The following FREM2 variants were observed in gnomAD, a reference collection of about 807,000 sequenced individuals.
The protein encoded by FREM2 is FRAS1 related extracellular matrix 2, also known as FRAS1-related extracellular matrix protein 2.
In FREM2, 119 loss-of-function variants were observed where a neutral mutation model predicts 219.9. That is an observed-to-expected ratio of 0.54 (90% CI 0.47 to 0.63). FREM2 has a LOEUF of 0.63. Ranked by LOEUF, FREM2 falls within the 30% of genes least tolerant of loss-of-function variation. FREM2 has a pLI of 0.00. For synonymous variants in FREM2, 1,562 were observed against 1,522.8 expected, an observed-to-expected ratio of 1.03 and a Z score of -0.60; for missense variants, 4,030 against 3,993.6, an observed-to-expected ratio of 1.01 and a Z score of -0.25.
At chr13:38,771,746 T>G (rs1873673330) in intron 4 of FREM2, among the ~76,000 whole-genome samples, 1 of 152,218 alleles carries the variant, frequency 6.6e-6, no homozygotes, top group Non-Finnish European at 1.5e-5. Flanking sequence ...CCATAATGCT[T>G]GGTATGCTCT....
intron 2 of FREM2, among the ~76,000 whole-genome samples, chr13:38,763,676 G>A (rs577193116): frequency 6.6e-6 from 1 of 151,982 alleles, no homozygotes; most frequent in South Asian, 2.1e-4. Context: ...TTTATTTTCT[G>A]CTGATAGGCA....
At chr13:38,855,280 G>A (rs1877512915) in intron 11 of FREM2, among the ~76,000 whole-genome samples, 1 of 151,992 alleles carries the variant, frequency 6.6e-6, no homozygotes, top group Admixed American at 6.6e-5. Flanking sequence ...ACACAAAGAA[G>A]TCTTCTTGAA....
chr13:38,753,743 A>G (rs1373904900), intron 2 of FREM2, among the ~76,000 whole-genome samples: 2 of 152,202 alleles, frequency 1.3e-5, no homozygotes, highest in Non-Finnish European at 2.9e-5. Flanking sequence ...CTGTAGGTGT[A>G]CACCTGAATT....
chr13:38,850,919 T>G (rs759712679), intron 9 of FREM2, 25 bp from the exon 10 acceptor site: 1 of 1,608,376 alleles, frequency 6.2e-7, no homozygotes, highest in South Asian at 1.1e-5. Context: ...GGGATGTGAT[T>G]GACCTGCTGA....
Position 38,864,355 on chromosome 13 carries a change from C to T in FREM2, c.7732C>T (p.His2578Tyr), listed in dbSNP as rs765774163. The change falls in exon 16 of 24, where the codon CAC (histidine) becomes TAC (tyrosine). Residue 2578 changes from histidine (H) to tyrosine (Y), a missense_variant. Around this residue, in one of 2 missense-constraint regions of FREM2, gnomAD observed 928 missense variants for 1,042.9 expected, o/e 0.89. Transcript: ENST00000280481. ...CCCTGATGGCACAAGAGTTGGAAAC[C>T]ACAAGTGCTCCAACCTCCTGGATTA... ...LSPDGTRVGN[H>Y]KCSNLLDYTE... 5.6e-6 allele frequency: 9 copies of T among 1,614,008 alleles called. No individual in the cohort carries two copies. Among genetic ancestry groups the T allele is most frequent in the African/African-American group, 1.3e-5 (1 of 74,902 alleles).
In FREM2 at chr13:38,886,818, TTATC is replaced by T. The variant is rs1469583433; in HGVS notation, c.*6034_*6037del. On this transcript the variant is annotated 3_prime_UTR_variant, in exon 24 of 24. Transcript: ENST00000280481. ...TCCATAACACTAAGTAAATTTATAT[TTATC>T]TAGCCTCTGAGTGACATATCTGTGT... The T allele has an allele frequency of 1.3e-5, 2 of 152,222 alleles. No homozygotes were observed. Among genetic ancestry groups the T allele is most frequent in the African/African-American group, 2.4e-5 (1 of 41,450 alleles). The allele number at this position is 152,222 out of a possible 1,614,324, so 9.4% of individuals were successfully genotyped here.
At chr13:38,724,650 A>G (rs1411917762) in intron 2 of FREM2, among the ~76,000 whole-genome samples, 2 of 152,364 alleles carry the variant, frequency 1.3e-5, no homozygotes, top group African/African-American at 2.4e-5. Flanking sequence ...ATTTGAAGCC[A>G]TGGAGGCTGA....
intron 2 of FREM2, among the ~76,000 whole-genome samples, chr13:38,730,120 CA>C (rs1335949517): frequency 6.6e-6 from 1 of 152,094 alleles, no homozygotes; most frequent in African/African-American, 2.4e-5. Flanking sequence ...GTTAAATAAA[CA>C]AAAATTTGAT....
chr13:38,769,941 T>A, intron 4 of FREM2, 133 bp downstream of exon 4: 1 of 732,676 alleles, frequency 1.4e-6, no homozygotes, highest in Non-Finnish European at 2.4e-6. Flanking sequence ...AGATTAATGA[T>A]TCATTATTCT....
intron 4 of FREM2, among the ~76,000 whole-genome samples, chr13:38,771,714 C>A (rs928597355): frequency 2.0e-5 from 3 of 152,002 alleles, no homozygotes; most frequent in East Asian, 1.9e-4. Context: ...TCATGAAAAT[C>A]CTTGGATAAC....
intron 6 of FREM2, among the ~76,000 whole-genome samples, chr13:38,841,189 A>C (rs1285076728): frequency 6.6e-6 from 1 of 152,242 alleles, no homozygotes; most frequent in Non-Finnish European, 1.5e-5. Flanking sequence ...TACTGAATTT[A>C]AAACAACTAC....
intron 2 of FREM2, among the ~76,000 whole-genome samples, chr13:38,740,782 G>A (rs1872211589): frequency 6.6e-6 from 1 of 152,158 alleles, no homozygotes. Context: ...AAGGTTGTAG[G>A]AAACTTTTAT....
In FREM2 at chr13:38,859,357, C is replaced by T; in HGVS notation, c.7286C>T (p.Thr2429Ile). ...SICASENIND[T>I]LTRYRWLISA... ...TGTGCAAGTGAGAACATCAATGACA[C>T]TTTGACGCGGTACCGGTGGCTGATT... is the stretch of plus-strand genomic sequence containing the variant. The change falls in exon 14 of 24, where the codon ACT (threonine) becomes ATT (isoleucine). Residue 2429 changes from threonine (T) to isoleucine (I), a missense_variant. Around this residue, in one of 2 missense-constraint regions of FREM2, gnomAD observed 928 missense variants for 1,042.9 expected, o/e 0.89. Transcript: ENST00000280481. 1.2e-6 allele frequency: 2 copies of T among 1,614,200 alleles called. No individual in the cohort carries two copies. Among genetic ancestry groups the T allele is most frequent in the South Asian group, 1.1e-5 (1 of 91,082 alleles).
chr13:38,816,782 A>C (rs1158384206), intron 6 of FREM2, among the ~76,000 whole-genome samples: 1 of 152,144 alleles, frequency 6.6e-6, no homozygotes, highest in Non-Finnish European at 1.5e-5. Context: ...GAGGAAGCTA[A>C]GTGCCCTGTT....
chr13:38,830,245 CAA>C (rs1876455429), intron 6 of FREM2, among the ~76,000 whole-genome samples: 1 of 152,040 alleles, frequency 6.6e-6, no homozygotes, highest in African/African-American at 2.4e-5. Context: ...AATGACAACA[CAA>C]ATATCCTTCA....
intron 2 of FREM2, among the ~76,000 whole-genome samples, chr13:38,704,147 A>G (rs2496432): frequency 0.019 from 2,900 of 152,300 alleles, 107 homozygotes; most frequent in African/African-American, 0.068. Flanking sequence ...CAGAGTTTCT[A>G]TGGTGAATCT....
intron 6 of FREM2, among the ~76,000 whole-genome samples, chr13:38,787,610 A>G (rs893207605): frequency 1.3e-5 from 2 of 152,068 alleles, no homozygotes; most frequent in Non-Finnish European, 2.9e-5. Context: ...AAAAAGAAAA[A>G]AATAAGTAAG....
At chr13:38,793,287 A>G (rs902234196) in intron 6 of FREM2, among the ~76,000 whole-genome samples, 4 of 152,196 alleles carry the variant, frequency 2.6e-5, no homozygotes, top group Admixed American at 6.5e-5. Flanking sequence ...TAAGTTCTCT[A>G]CTAAGACAAG....
At chr13:38,753,604 C>A (rs1396880394) in intron 2 of FREM2, among the ~76,000 whole-genome samples, 1 of 152,208 alleles carries the variant, frequency 6.6e-6, no homozygotes, top group Non-Finnish European at 1.5e-5. Context: ...TAATTCTCAG[C>A]CACTCATATC....
Sources: allele counts gnomAD v4.1 joint callset (sites outside exome capture counted in the v4.1 genomes callset), GRCh38; gene constraint gnomAD v4.1.1; regional missense constraint gnomAD v4.1.1; transcripts MANE v1.5; gene names NCBI Gene and HGNC (gene_info 2026-07-23, HGNC 2026-07-21).